Variants in ACO2 observed in about 807,000 individuals in gnomAD.
ACO2 encodes the protein aconitate hydratase, mitochondrial.
ACO2 carries 31 observed loss-of-function variants against 84.5 expected under a neutral mutation model. The observed-to-expected ratio is 0.37, with a 90% CI of 0.28 to 0.50. The LOEUF is 0.50. Ranked by LOEUF, ACO2 falls within the 20% of genes least tolerant of loss-of-function variation. The pLI, the probability that ACO2 is intolerant of heterozygous loss-of-function variation, is 0.97. For synonymous variants in ACO2, 414 were observed against 412.7 expected (o/e 1.00, Z -0.04); for missense variants, 685 against 1,029.3 (o/e 0.67, Z 4.58).
chr22:41,504,456 T>A (rs1347667132), intron 2 of ACO2, among the ~76,000 whole-genome samples: 2 of 152,192 alleles, frequency 1.3e-5, no homozygotes, highest in Non-Finnish European at 2.9e-5. Flanking sequence ...ATCCTAAAGC[T>A]TCAGCATTGC....
At chr22:41,520,546 G>C (rs1015115865) in intron 9 of ACO2, among the ~76,000 whole-genome samples, 1 of 151,928 alleles carries the variant, frequency 6.6e-6, no homozygotes, top group African/African-American at 2.4e-5. Context: ...TCTCTTAAAA[G>C]AAAATGCAAA....
intron 16 of ACO2, chr22:41,527,700 C>G (rs763649482): frequency 7.1e-6 from 6 of 846,924 alleles, no homozygotes; most frequent in Non-Finnish European, 9.0e-6. Flanking sequence ...AGCAGGAAGG[C>G]CTCGCAGACC....
Position 41,515,738 on chromosome 22 carries a change from T to C in ACO2, c.685-29T>C. 1 of 1,612,284 alleles carries C rather than the reference T, an allele frequency of 6.2e-7. No homozygotes were observed. Among genetic ancestry groups the C allele is most frequent in the Non-Finnish European group, 8.5e-7 (1 of 1,179,784 alleles). ...GGCTGGCACAGGCACACACGGCCTC[T>C]CACAGCCGCCTCGCCCCCTCCTGTC... On this transcript the variant is annotated intron_variant, in intron 5 of 17. Coordinates refer to ENST00000216254, the MANE Select transcript of ACO2 (RefSeq NM_001098.3). The surrounding 1 kb of genome is among the most constrained non-coding windows in gnomAD (Gnocchi z 5.8).
chr22:41,471,987 T>C (rs927634532), intron 1 of ACO2, among the ~76,000 whole-genome samples: 3 of 152,208 alleles, frequency 2.0e-5, no homozygotes, highest in Non-Finnish European at 4.4e-5. Context: ...TAATAGTATG[T>C]CTGTTTCAAT....
Position 41,527,295 on chromosome 22 carries a change from G to T in ACO2, c.1961G>T (p.Gly654Val). The T allele has an allele frequency of 6.2e-7, 1 of 1,614,220 alleles. No homozygotes were observed. The highest frequency in any genetic ancestry group is 1.1e-5 in the South Asian group (1 of 91,092). ...CCCCCGCTTGCCTGACAGAAACATGGCATCAGGTGGGTGGTGATCGGAGAC... is the reference window on the plus strand; with the variant it reads ...CCCCCGCTTGCCTGACAGAAACATGTCATCAGGTGGGTGGTGATCGGAGAC... ...PDTARYYKKH[G>V]IRWVVIGDEN... Residue 654 changes from glycine to valine, a missense_variant, in exon 16 of 18, where the codon GGC (glycine) becomes GTC (valine). This residue lies in a region of ACO2 where 174 missense variants were observed against 236.6 expected (regional missense o/e 0.74). Coordinates refer to ENST00000216254, the MANE Select transcript of ACO2 (RefSeq NM_001098.3).
At chr22:41,493,532 CTT>C (rs1460752235) in intron 1 of ACO2, among the ~76,000 whole-genome samples, 15 of 152,156 alleles carry the variant, frequency 9.9e-5, no homozygotes, top group Non-Finnish European at 2.9e-5. Flanking sequence ...GTCTAGCTGT[CTT>C]TTACTTTTTT....
intron 8 of ACO2, among the ~76,000 whole-genome samples, chr22:41,519,553 C>T (rs996555578): frequency 1.3e-5 from 2 of 152,132 alleles, no homozygotes; most frequent in African/African-American, 4.8e-5. Context: ...CACCTGTAAT[C>T]CCAGCACTTT....
chr22:41,528,154 G>A lies in ACO2; in HGVS notation c.2208+132G>A, dbSNP rs1414337889. ...TGGAAAGGCCCCCAGTTCTCCAGGT[G>A]GCCCCACAGAGAAAGCAAAGTGGCT... On this transcript the variant is annotated intron_variant, in intron 17 of 17. Coordinates refer to ENST00000216254, the MANE Select transcript of ACO2 (RefSeq NM_001098.3). 6.4e-6 allele frequency: 9 copies of A among 1,403,694 alleles called. No individual in the cohort carries two copies. The East Asian group carries it at 1.8e-4, about 29-fold the overall frequency. The allele number at this position is 1,403,694 out of a possible 1,614,324, so 87.0% of individuals were successfully genotyped here.
chr22:41,501,467 T>C (rs772509679), intron 2 of ACO2, among the ~76,000 whole-genome samples: 23 of 152,186 alleles, frequency 1.5e-4, no homozygotes, highest in Non-Finnish European at 2.8e-4. Context: ...GGGCTGGCAA[T>C]GCACACCAGC....
intron 10 of ACO2, 53 bp from the exon 11 acceptor site, chr22:41,523,152 C>A: frequency 6.4e-7 from 1 of 1,560,920 alleles, no homozygotes. Context: ...ATCACCCCTT[C>A]CCATCAGACT....
At chr22:41,526,983 C>T (rs1707862991) in intron 15 of ACO2, 7 of 474,762 alleles carry the variant, frequency 1.5e-5, no homozygotes, top group Middle Eastern at 5.7e-4. Context: ...GCCCGGAGGC[C>T]GTCCCTGTCT....
intron 15 of ACO2, 31 bp from the exon 16 acceptor site, chr22:41,527,257 C>T (rs2066619880): frequency 6.2e-7 from 1 of 1,613,772 alleles, no homozygotes; most frequent in African/African-American, 1.3e-5. Context: ...CCCTCCTCTG[C>T]CTTATAACCT....
chr22:41,517,709 C>G (rs2066486774), intron 7 of ACO2, 78 bp downstream of exon 7: 3 of 1,320,434 alleles, frequency 2.3e-6, no homozygotes, highest in African/African-American at 1.5e-5. Context: ...TATGCCTTTC[C>G]CTGTAGGGCA....
chr22:41,523,857 C>T lies in ACO2; in HGVS notation c.1398C>T (p.Asn466=). The T allele has an allele frequency of 6.2e-7, 1 of 1,612,212 alleles. No individual in the cohort carries two copies. The highest frequency in any genetic ancestry group is 8.5e-7 in the Non-Finnish European group (1 of 1,179,980). ...DRKDIKKGEK[N]TIVTSYNRNF... Reference sequence around the variant, plus strand: ...AGGACATCAAGAAGGGGGAGAAGAACACAATCGTCACCTCCTACAACAGGA... The same window carrying T: ...AGGACATCAAGAAGGGGGAGAAGAATACAATCGTCACCTCCTACAACAGGA... The change falls in exon 12 of 18, where the codon AAC becomes AAT. Residue 466 remains asparagine (N), a synonymous_variant. Coordinates refer to ENST00000216254, the MANE Select transcript of ACO2 (RefSeq NM_001098.3).
intron 8 of ACO2, among the ~76,000 whole-genome samples, chr22:41,519,733 G>A (rs1047796573): frequency 1.3e-5 from 2 of 151,930 alleles, no homozygotes; most frequent in Non-Finnish European, 2.9e-5. Context: ...GTGTGAACCC[G>A]AGAGGCGGAG....
At chr22:41,512,267 C>G (rs2066438756) in intron 4 of ACO2, 2 of 328,572 alleles carry the variant, frequency 6.1e-6, no homozygotes, top group East Asian at 1.5e-4. Context: ...CATCTCTATT[C>G]CCATAAACTC....
intron 3 of ACO2, among the ~76,000 whole-genome samples, chr22:41,509,513 G>A (rs2066418545): frequency 6.6e-6 from 1 of 152,178 alleles, no homozygotes; most frequent in Non-Finnish European, 1.5e-5. Context: ...TAATTTAGAT[G>A]CTGGGGGAAA....
chr22:41,524,019 G>A, intron 12 of ACO2, 78 bp downstream of exon 12: 1 of 1,276,368 alleles, frequency 7.8e-7, no homozygotes, highest in African/African-American at 1.5e-5. Flanking sequence ...GGCAGAAGGA[G>A]ATGGGGACTG....
chr22:41,521,035 C>CA (rs375633363), intron 9 of ACO2, among the ~76,000 whole-genome samples: 6,718 of 78,378 alleles, frequency 0.086, 164 homozygotes, highest in African/African-American at 0.2. Flanking sequence ...AGCCTGCCTC[C>CA]AAAAAAAAAA....
Sources: gnomAD v4.1 joint callset for allele counts (sites outside exome capture counted in the v4.1 genomes callset) on GRCh38, gnomAD v4.1.1 for gene constraint, gnomAD v4.1.1 regional missense constraint, Gnocchi (gnomAD v3.1) non-coding constraint, MANE v1.5 for transcripts, NCBI Gene and HGNC (gene_info 2026-07-23, HGNC 2026-07-21) for gene names.